CPED1: variants seen among roughly 807,000 people sequenced by gnomAD.
CPED1 encodes the protein cadherin like and PC-esterase domain containing 1.
CPED1 carries 114 observed loss-of-function variants against 128.2 expected under a neutral mutation model. The observed-to-expected ratio is 0.89, with a 90% CI of 0.76 to 1.04. CPED1 has a LOEUF of 1.04. Among genes scored for constraint, CPED1 ranks in the 50% least tolerant of loss-of-function variants. CPED1 has a pLI of 0.00. For synonymous variants in CPED1, 462 were observed against 426.7 expected (o/e 1.08, Z -1.02); for missense variants, 1,211 against 1,207.1 (o/e 1.00, Z -0.05).
chr7:121,176,938 T>C, intron 16 of CPED1, among the ~76,000 whole-genome samples: 1 of 152,086 alleles, frequency 6.6e-6, no homozygotes, highest in Non-Finnish European at 1.5e-5. Context: ...AGTATAGAAT[T>C]GTTGATAGCT....
Position 121,161,816 on chromosome 7 carries a change from G to A in CPED1, c.2055+19675G>A, listed in dbSNP as rs76271233. 2.8e-3 allele frequency among the ~76,000 whole-genome samples: 434 copies of A among 152,282 alleles called. 3 individuals carry two copies. The highest frequency in any genetic ancestry group is 9.9e-3 in the African/African-American group (411 of 41,560). ...TGATACAGGACTTTAGTATCGTGAA[G>A]GGAACCAGATCCATTAAGAAAGGGG... On this transcript the variant is annotated intron_variant, in intron 16 of 22. Coordinates refer to ENST00000310396, the MANE Select transcript of CPED1 (RefSeq NM_024913.5).
At chr7:121,008,711 A>G (rs989405615) in intron 2 of CPED1, among the ~76,000 whole-genome samples, 3 of 152,144 alleles carry the variant, frequency 2.0e-5, no homozygotes, top group Non-Finnish European at 1.5e-5. Flanking sequence ...TCTTATCTCC[A>G]TAGGAAATTA....
intron 16 of CPED1, among the ~76,000 whole-genome samples, chr7:121,186,357 A>T (rs1279674886): frequency 6.6e-6 from 1 of 152,156 alleles, no homozygotes; most frequent in Non-Finnish European, 1.5e-5. Context: ...TAATATTTGA[A>T]TGTTGTGTGT....
rs540959636 is a variant in CPED1 at position 120,996,283 on chromosome 7, CA to C, written c.249+6423del. On this transcript the variant is annotated intron_variant, in intron 2 of 22. Transcript: ENST00000310396. ...TAGGTGACAGAGCAAGCTCCTGTCT[CA>C]AAAAAAAAAGAAAAGGGAATTATCC... Among the ~76,000 whole-genome samples the C allele has an allele frequency of 8.4e-3, 1,224 of 146,206 alleles. 8 individuals are homozygous for C. Among genetic ancestry groups the C allele is most frequent in the Admixed American group, 0.028 (412 of 14,720 alleles).
chr7:120,990,114 A>G (rs1249939448), intron 2 of CPED1, among the ~76,000 whole-genome samples: 2 of 152,218 alleles, frequency 1.3e-5, no homozygotes, highest in African/African-American at 4.8e-5. Context: ...AGTGGAATGA[A>G]GTAGACAGTT....
At chr7:120,997,722 A>T (rs1003508015) in intron 2 of CPED1, among the ~76,000 whole-genome samples, 1 of 152,050 alleles carries the variant, frequency 6.6e-6, no homozygotes, top group East Asian at 1.9e-4. Flanking sequence ...GGAGTTTGAG[A>T]CCAGCCTGGC....
At chr7:120,999,458 T>C (rs1027047792) in intron 2 of CPED1, among the ~76,000 whole-genome samples, 1 of 152,170 alleles carries the variant, frequency 6.6e-6, no homozygotes, top group Non-Finnish European at 1.5e-5. Flanking sequence ...ATTACATCTC[T>C]TCTTTCTTAT....
intron 16 of CPED1, among the ~76,000 whole-genome samples, chr7:121,233,326 T>C (rs57412322): frequency 0.015 from 2,341 of 152,176 alleles, 67 homozygotes; most frequent in African/African-American, 0.053. Flanking sequence ...TACAGAACTC[T>C]GCTAAATACT....
intron 16 of CPED1, among the ~76,000 whole-genome samples, chr7:121,209,829 C>T (rs1047698584): frequency 2.0e-5 from 3 of 151,738 alleles, no homozygotes; most frequent in African/African-American, 4.8e-5. Context: ...TCACAGAATG[C>T]GAGAAAATAT....
At chr7:121,102,502 A>G (rs1323725673) in intron 7 of CPED1, among the ~76,000 whole-genome samples, 1 of 151,766 alleles carries the variant, frequency 6.6e-6, no homozygotes, top group East Asian at 1.9e-4. Context: ...CACCCCCTAA[A>G]CTCTCTTAGG....
Position 121,053,864 on chromosome 7 carries a change from T to A in CPED1, c.540+6871T>A, listed in dbSNP as rs1291510292. The stretch of plus-strand genomic sequence containing the variant: ...ATAGGTTATAAATCAGTACTATTGT[T>A]ATTAAATTTTTTGTTGTTGCTCAAA... On this transcript the variant is annotated intron_variant, in intron 4 of 22. Coordinates refer to ENST00000310396, the MANE Select transcript of CPED1 (RefSeq NM_024913.5). Among the ~76,000 whole-genome samples, 5 of 152,226 alleles carry A rather than the reference T, an allele frequency of 3.3e-5. No homozygotes were observed. In the East Asian group the frequency reaches 7.7e-4, roughly 23 times the overall value.
intron 22 of CPED1, among the ~76,000 whole-genome samples, chr7:121,287,765 G>C (rs904852244): frequency 6.6e-6 from 1 of 152,100 alleles, no homozygotes; most frequent in African/African-American, 2.4e-5. Context: ...GGGAAGATTT[G>C]ACATGCTATG....
intron 16 of CPED1, among the ~76,000 whole-genome samples, chr7:121,214,723 TTAAAC>T (rs1181143804): frequency 1.3e-5 from 2 of 152,120 alleles, no homozygotes; most frequent in African/African-American, 4.8e-5. Flanking sequence ...TAGAATATGT[TTAAAC>T]TAAAAATGAA....
At chr7:121,212,910 A>G (rs1483503577) in intron 16 of CPED1, among the ~76,000 whole-genome samples, 4 of 152,004 alleles carry the variant, frequency 2.6e-5, no homozygotes, top group Non-Finnish European at 4.4e-5. Context: ...GTTATCCAAA[A>G]GTGGAAATTA....
At chr7:121,039,621 A>G (rs1458098268) in intron 3 of CPED1, among the ~76,000 whole-genome samples, 3 of 152,088 alleles carry the variant, frequency 2.0e-5, no homozygotes. Context: ...TCCCAGACAG[A>G]CAATAGTCTT....
intron 16 of CPED1, among the ~76,000 whole-genome samples, chr7:121,197,507 T>A (rs939256618): frequency 1.3e-5 from 2 of 152,104 alleles, no homozygotes; most frequent in Non-Finnish European, 2.9e-5. Flanking sequence ...CTTCTTTTCA[T>A]ACTTGAGGAA....
chr7:121,243,749 C>T (rs1003318859), intron 17 of CPED1, among the ~76,000 whole-genome samples: 7 of 152,128 alleles, frequency 4.6e-5, no homozygotes, highest in African/African-American at 1.7e-4. Context: ...AAGTAGTTCT[C>T]TTGTATCTTA....
At position 121,127,206 on chromosome 7, in the gene CPED1, T is replaced by G; in HGVS notation, c.1251T>G (p.Leu417=). ...FNFLFPNESS[L]SIFSEIFQRL... is the part of the protein sequence containing the mutation. Reference sequence around the variant, plus strand: ...TTCTCTTCCCTAATGAATCATCACTTTCCATATTTTCTGAGATATTTCAGA... The same window carrying G: ...TTCTCTTCCCTAATGAATCATCACTGTCCATATTTTCTGAGATATTTCAGA... The change falls in exon 10 of 23, where the codon CTT becomes CTG. Residue 417 remains leucine, a synonymous_variant. Coordinates refer to ENST00000310396, the MANE Select transcript of CPED1 (RefSeq NM_024913.5). 11 of 1,593,350 alleles carry G rather than the reference T, an allele frequency of 6.9e-6. No homozygotes were observed. Among genetic ancestry groups the G allele is most frequent in the Non-Finnish European group, 9.5e-6 (11 of 1,163,348 alleles).
chr7:121,058,787 G>A (rs192476191), intron 4 of CPED1, among the ~76,000 whole-genome samples: 1 of 152,278 alleles, frequency 6.6e-6, no homozygotes, highest in Non-Finnish European at 1.5e-5. Context: ...ATAATTTGAA[G>A]CTTTATGAAC....
Sources: gnomAD v4.1 joint callset for allele counts (sites outside exome capture counted in the v4.1 genomes callset) on GRCh38, gnomAD v4.1.1 for gene constraint, MANE v1.5 for transcripts, NCBI Gene and HGNC (gene_info 2026-07-23, HGNC 2026-07-21) for gene names.